The following NAP1L4 variants were observed in gnomAD, a reference collection of about 807,000 sequenced individuals.
The protein encoded by NAP1L4 is nucleosome assembly protein 1 like 4.
NAP1L4 carries 15 observed loss-of-function variants against 58.2 expected under a neutral mutation model. That is an observed-to-expected ratio of 0.26 (90% confidence interval 0.17 to 0.40). The LOEUF (loss-of-function observed/expected upper bound fraction) is 0.40, where lower values mean the gene tolerates loss of function less well. Among genes scored for constraint, NAP1L4 ranks in the 10% least tolerant of loss-of-function variants. The pLI, the probability that NAP1L4 is intolerant of heterozygous loss-of-function variation, is 1.00. For missense variants in NAP1L4, 384 were observed against 451.1 expected (o/e 0.85, Z 1.35); for synonymous variants, 171 against 155.6 (o/e 1.10, Z -0.74).
Position 2,955,094 on chromosome 11 carries a change from T to C in NAP1L4, c.916-448A>G, listed in dbSNP as rs1846453964. On this transcript the variant is annotated intron_variant, in intron 11 of 15. Transcript: ENST00000380542. The surrounding 1 kb of genome is among the most constrained non-coding windows in gnomAD (Gnocchi z 4.2). ...TTTTAAGAGACAGGGTCTTATTCTA[T>C]CACCCAGGTTGGAGGGCAGTGGTGC... is the stretch of plus-strand genomic sequence containing the variant. Among the ~76,000 whole-genome samples, 1 of 152,154 alleles carries C rather than the reference T, an allele frequency of 6.6e-6. No homozygotes were observed. Among genetic ancestry groups the C allele is most frequent in the African/African-American group, 2.4e-5 (1 of 41,430 alleles).
intron 6 of NAP1L4, among the ~76,000 whole-genome samples, chr11:2,970,994 G>C (rs563310172): frequency 1.3e-4 from 20 of 152,238 alleles, no homozygotes; most frequent in African/African-American, 4.8e-4. Context: ...ACTAGAAAAA[G>C]GCTGTGAGCA....
chr11:2,977,081 GA>G (rs1353682244), intron 3 of NAP1L4, among the ~76,000 whole-genome samples: 1 of 152,208 alleles, frequency 6.6e-6, no homozygotes, highest in Non-Finnish European at 1.5e-5. Context: ...CCACTAACAT[GA>G]AGCACATGAA....
In NAP1L4 at chr11:2,948,668, G is replaced by A. The variant is rs549514921; in HGVS notation, c.*32+559C>T. On this transcript the variant is annotated intron_variant, in intron 15 of 15. Coordinates refer to ENST00000380542, the MANE Select transcript of NAP1L4 (RefSeq NM_005969.4). The surrounding 1 kb of genome is among the most constrained non-coding windows in gnomAD (Gnocchi z 5.1). Reference sequence around the variant, plus strand: ...CAACCTCACAACAGTACTTTTTACTGCTGACACCAAAACAGATGCCAGTTC... The same window carrying A: ...CAACCTCACAACAGTACTTTTTACTACTGACACCAAAACAGATGCCAGTTC... 1.3e-3 allele frequency among the ~76,000 whole-genome samples: 198 copies of A among 152,292 alleles called. 1 individual carries two copies. Among genetic ancestry groups the A allele is most frequent in the African/African-American group, 4.7e-3 (196 of 41,542 alleles).
chr11:2,966,811 A>G (rs1293463936), intron 7 of NAP1L4, among the ~76,000 whole-genome samples: 2 of 152,116 alleles, frequency 1.3e-5, no homozygotes. Context: ...CCACTCAAAG[A>G]CGCAGTGCCC....
At position 2,955,903 on chromosome 11, in the gene NAP1L4, C is replaced by A; in HGVS notation, c.893-137G>T. On this transcript the variant is annotated intron_variant, in intron 10 of 15. Transcript: ENST00000380542. The surrounding 1 kb of genome is among the most constrained non-coding windows in gnomAD (Gnocchi z 4.2). ...CGAGGTTTAACAGAAATCCCCAAAG[C>A]CTTGCATCTCCTCACAGACATCTTT... The A allele has an allele frequency of 1.4e-6, 1 of 736,860 alleles. No individual in the cohort carries two copies. Among genetic ancestry groups the A allele is most frequent in the Non-Finnish European group, 2.2e-6 (1 of 447,800 alleles). 45.6% of individuals were successfully genotyped at this position (736,860 alleles called of 1,614,324 possible).
At chr11:2,975,446 G>A (rs1227207884) in intron 4 of NAP1L4, among the ~76,000 whole-genome samples, 2 of 152,044 alleles carry the variant, frequency 1.3e-5, no homozygotes, top group African/African-American at 2.4e-5. Context: ...GAAAGCAAAG[G>A]TGTCAGCCAG....
chr11:2,972,614 T>TCA (rs1198292294), intron 4 of NAP1L4, among the ~76,000 whole-genome samples: 1 of 152,230 alleles, frequency 6.6e-6, no homozygotes, highest in African/African-American at 2.4e-5. Context: ...TCTAACTGAC[T>TCA]CATCTTTCTG....
At chr11:2,980,738 C>A (rs1001779730) in intron 1 of NAP1L4, among the ~76,000 whole-genome samples, 32 of 152,224 alleles carry the variant, frequency 2.1e-4, no homozygotes, top group African/African-American at 7.0e-4. Flanking sequence ...AACAAAAAAA[C>A]CCCTCTATAT....
intron 3 of NAP1L4, among the ~76,000 whole-genome samples, chr11:2,977,271 T>C (rs1848022258): frequency 6.6e-6 from 1 of 152,218 alleles, no homozygotes; most frequent in African/African-American, 2.4e-5. Flanking sequence ...TGAAAGGACC[T>C]TGGTAACAGA....
Position 2,969,825 on chromosome 11 carries a change from T to A in NAP1L4, c.512A>T (p.Asp171Val), listed in dbSNP as rs1372132029. The A allele has an allele frequency of 6.2e-7, 1 of 1,613,448 alleles. No homozygotes were observed. Residue 171 changes from aspartate to valine, a missense_variant, in exon 7 of 16, where the codon GAC becomes GTC. Asp to Val is a radical substitution (Grantham distance 152, BLOSUM62 -3). Coordinates refer to ENST00000380542, the MANE Select transcript of NAP1L4 (RefSeq NM_005969.4). Reference protein sequence around the residue: ...EFWFTIFRNVDMLSELVQEYD... With the variant: ...EFWFTIFRNVVMLSELVQEYD... Reference sequence around the variant, plus strand: ...TACCTGGACTAATTCACTCAGCATGTCCACATTTCTGAAGATGGTAAACCA... The same window carrying A: ...TACCTGGACTAATTCACTCAGCATGACCACATTTCTGAAGATGGTAAACCA...
intron 1 of NAP1L4, among the ~76,000 whole-genome samples, chr11:2,980,073 T>G (rs961561534): frequency 1.3e-5 from 2 of 152,260 alleles, no homozygotes; most frequent in Non-Finnish European, 2.9e-5. Context: ...TTATTCCACT[T>G]TTAAAGATGA....
chr11:2,970,930 A>C (rs16928945), intron 6 of NAP1L4, among the ~76,000 whole-genome samples: 15,943 of 152,024 alleles, frequency 0.1, 991 homozygotes, highest in African/African-American at 0.16. Flanking sequence ...TCAGGCTGAC[A>C]AAGTTAATCC....
At chr11:2,984,010 G>C (rs1266363027) in intron 1 of NAP1L4, among the ~76,000 whole-genome samples, 1 of 146,148 alleles carries the variant, frequency 6.8e-6, no homozygotes, top group East Asian at 2.0e-4. Flanking sequence ...AAAAAAAAAT[G>C]AGGCTGGACA....
At chr11:2,975,217 C>G (rs186308444) in intron 4 of NAP1L4, among the ~76,000 whole-genome samples, 1 of 151,354 alleles carries the variant, frequency 6.6e-6, no homozygotes, top group Non-Finnish European at 1.5e-5. Context: ...ACTCTGGAGG[C>G]TGAGGTAGAA....
At chr11:2,967,696 C>A (rs1159082789) in intron 7 of NAP1L4, among the ~76,000 whole-genome samples, 1 of 150,912 alleles carries the variant, frequency 6.6e-6, no homozygotes, top group Non-Finnish European at 1.5e-5. Context: ...ACAAACAGTA[C>A]AAATAACATT....
At chr11:2,963,071 G>A (rs1236184865) in intron 8 of NAP1L4, among the ~76,000 whole-genome samples, 1 of 122,924 alleles carries the variant, frequency 8.1e-6, no homozygotes, top group Non-Finnish European at 1.6e-5. Context: ...CTGCACTCCA[G>A]CCTGGTGACA....
At chr11:2,980,803 A>T (rs1300117318) in intron 1 of NAP1L4, among the ~76,000 whole-genome samples, 1 of 152,214 alleles carries the variant, frequency 6.6e-6, no homozygotes, top group Non-Finnish European at 1.5e-5. Context: ...TAACTCAACT[A>T]CTTTTTTAAA....
intron 1 of NAP1L4, among the ~76,000 whole-genome samples, chr11:2,987,426 C>T (rs887029515): frequency 6.6e-6 from 1 of 151,148 alleles, no homozygotes; most frequent in African/African-American, 2.4e-5. Flanking sequence ...TGATTACAGG[C>T]GTGAGCCACC....
chr11:2,967,257 C>T (rs983305344), intron 7 of NAP1L4, among the ~76,000 whole-genome samples: 2 of 152,098 alleles, frequency 1.3e-5, no homozygotes, highest in Non-Finnish European at 2.9e-5. Flanking sequence ...ATAGCAAGAC[C>T]ATGTCCCTTA....
Sources: gnomAD v4.1 joint callset for allele counts (sites outside exome capture counted in the v4.1 genomes callset) on GRCh38, gnomAD v4.1.1 for gene constraint, Gnocchi (gnomAD v3.1) non-coding constraint, MANE v1.5 for transcripts, NCBI Gene and HGNC (gene_info 2026-07-23, HGNC 2026-07-21) for gene names.